The following STAG1 variants were observed in gnomAD, a reference collection of about 807,000 sequenced individuals.
The protein encoded by STAG1 is STAG1 cohesin complex component, also known as cohesin subunit SA-1.
In STAG1, 26 loss-of-function variants were observed where a neutral mutation model predicts 170.9. The ratio of observed to expected loss-of-function variants is 0.15; its 90% confidence interval spans 0.11 to 0.21. The LOEUF (loss-of-function observed/expected upper bound fraction) is 0.21. Among genes scored for constraint, STAG1 ranks in the 10% least tolerant of loss-of-function variants. The pLI is 1.00. For synonymous variants in STAG1, 514 were observed against 497.7 expected (o/e 1.03, Z -0.44); for missense variants, 964 against 1,509.5 (o/e 0.64, Z 5.99).
At chr3:136,575,829 C>G (rs1228353513) in intron 4 of STAG1, among the ~76,000 whole-genome samples, 2 of 152,164 alleles carry the variant, frequency 1.3e-5, no homozygotes, top group Non-Finnish European at 2.9e-5. Context: ...ATTAATACTT[C>G]ACAGGCAAGA....
chr3:136,420,850 C>T (rs980395945), intron 20 of STAG1, among the ~76,000 whole-genome samples: 3 of 152,240 alleles, frequency 2.0e-5, no homozygotes, highest in African/African-American at 7.2e-5. Context: ...TCTCGGCTCA[C>T]GACAACCCCC....
intron 1 of STAG1, among the ~76,000 whole-genome samples, chr3:136,638,569 G>A (rs1048018983): frequency 2.0e-5 from 3 of 152,158 alleles, no homozygotes; most frequent in Non-Finnish European, 2.9e-5. Context: ...AGCTCTTAGA[G>A]TTAGCAAACT....
intron 28 of STAG1, among the ~76,000 whole-genome samples, chr3:136,357,048 C>A (rs1025794795): frequency 6.6e-6 from 1 of 151,866 alleles, no homozygotes; most frequent in Admixed American, 6.6e-5. Context: ...CCCAGGTTCA[C>A]GCCATCCTCC....
intron 6 of STAG1, among the ~76,000 whole-genome samples, chr3:136,529,633 C>T (rs1479278604): frequency 2.0e-5 from 3 of 152,084 alleles, no homozygotes; most frequent in Admixed American, 6.6e-5. Flanking sequence ...ATCTGTTCTA[C>T]ACAAAAAAAT....
chr3:136,436,880 TA>T (rs1455754801), intron 15 of STAG1, among the ~76,000 whole-genome samples: 1 of 152,198 alleles, frequency 6.6e-6, no homozygotes, highest in Non-Finnish European at 1.5e-5. Context: ...AATTGTCTTT[TA>T]AAAAAACACA....
chr3:136,421,106 T>C lies in STAG1; in HGVS notation c.2095A>G (p.Thr699Ala). The change falls in exon 20 of 34, where the codon ACT becomes GCT. Residue 699 changes from threonine to alanine, a missense_variant. By Grantham distance (58) the Thr-to-Ala change is moderately conservative. Transcript: ENST00000383202. ...YNVLSTLKRL[T>A]SFHNAHDLTK... ...AAAATAACGTACTTGTGAAAAGAAG[T>C]TAACCGCTTTAATGTAGAAAGAACA... 6.2e-7 allele frequency: 1 copy of C among 1,602,456 alleles called. No individual in the cohort carries two copies. Among genetic ancestry groups the C allele is most frequent in the Non-Finnish European group, 8.5e-7 (1 of 1,174,264 alleles).
chr3:136,405,229 CTCTTTTTT>C (rs1485726770), intron 21 of STAG1, among the ~76,000 whole-genome samples: 13 of 118,538 alleles, frequency 1.1e-4, no homozygotes, highest in African/African-American at 4.0e-4. Flanking sequence ...ATGAAAAAAC[CTCTTTTTT>C]TTTTTTTTTT....
At chr3:136,670,986 T>TTAA (rs1941963642) in intron 1 of STAG1, among the ~76,000 whole-genome samples, 1 of 152,158 alleles carries the variant, frequency 6.6e-6, no homozygotes, top group African/African-American at 2.4e-5. Flanking sequence ...AGATTTTCTC[T>TTAA]TTAAAAGGAA....
At chr3:136,462,486 A>C (rs2089301429) in intron 13 of STAG1, among the ~76,000 whole-genome samples, 1 of 152,176 alleles carries the variant, frequency 6.6e-6, no homozygotes, top group South Asian at 2.1e-4. Flanking sequence ...AGCTAAAAAA[A>C]AGATTGATCT....
At chr3:136,460,067 C>T in intron 13 of STAG1, among the ~76,000 whole-genome samples, 1 of 151,886 alleles carries the variant, frequency 6.6e-6, no homozygotes, top group East Asian at 1.9e-4. Context: ...ATACAAAAGA[C>T]CAATGAAACC....
At chr3:136,735,772 C>T (rs1576830151) in intron 1 of STAG1, among the ~76,000 whole-genome samples, 1 of 152,206 alleles carries the variant, frequency 6.6e-6, no homozygotes, top group South Asian at 2.1e-4. Flanking sequence ...GCCACCACGC[C>T]CAGCTAATTT....
intron 7 of STAG1, among the ~76,000 whole-genome samples, chr3:136,514,253 A>C (rs1195171581): frequency 6.6e-6 from 1 of 152,218 alleles, no homozygotes; most frequent in African/African-American, 2.4e-5. Flanking sequence ...AATCACAAGG[A>C]TATGAACAGA....
At chr3:136,578,165 G>C (rs1937517005) in intron 4 of STAG1, among the ~76,000 whole-genome samples, 1 of 152,188 alleles carries the variant, frequency 6.6e-6, no homozygotes, top group Non-Finnish European at 1.5e-5. Context: ...AGCCAGATAT[G>C]ACTATGGGGA....
intron 1 of STAG1, among the ~76,000 whole-genome samples, chr3:136,662,050 C>T (rs1941600540): frequency 6.6e-6 from 1 of 152,126 alleles, no homozygotes; most frequent in Non-Finnish European, 1.5e-5. Context: ...TGACGTTTCT[C>T]TAATCACCTC....
chr3:136,559,911 G>T (rs1375750239), intron 5 of STAG1, among the ~76,000 whole-genome samples: 1 of 152,128 alleles, frequency 6.6e-6, no homozygotes, highest in Non-Finnish European at 1.5e-5. Flanking sequence ...TTTGAGACAT[G>T]AATACAATTT....
At chr3:136,559,413 G>A (rs986083440) in intron 5 of STAG1, among the ~76,000 whole-genome samples, 3 of 152,112 alleles carry the variant, frequency 2.0e-5, no homozygotes, top group Non-Finnish European at 2.9e-5. Flanking sequence ...AGACAATAAA[G>A]AGTATGTTAT....
At chr3:136,683,327 G>C (rs535067483) in intron 1 of STAG1, among the ~76,000 whole-genome samples, 21 of 151,856 alleles carry the variant, frequency 1.4e-4, no homozygotes, top group African/African-American at 5.1e-4. Flanking sequence ...ACAGTGGCAT[G>C]ATCTAGGTTC....
At chr3:136,649,993 T>TC (rs1014293640) in intron 1 of STAG1, among the ~76,000 whole-genome samples, 3 of 152,000 alleles carry the variant, frequency 2.0e-5, no homozygotes, top group Non-Finnish European at 4.4e-5. Flanking sequence ...GGTCTTGATC[T>TC]CCTGACCTCG....
In STAG1 at chr3:136,525,453, A is replaced by C. The variant is rs185714698; in HGVS notation, c.472-4036T>G. 3.0e-4 allele frequency among the ~76,000 whole-genome samples: 46 copies of C among 152,098 alleles called. No individual in the cohort carries two copies. The East Asian group carries it at 4.4e-3, about 15-fold the overall frequency. The stretch of plus-strand genomic sequence containing the variant: ...GATCGGTGGTGATATCCCCTTTATC[A>C]TTTTTTATTGCGTCTATTTGAGTCT... On this transcript the variant is annotated intron_variant, in intron 6 of 33. Coordinates refer to ENST00000383202, the MANE Select transcript of STAG1 (RefSeq NM_005862.3).
Sources: gnomAD v4.1 joint callset for allele counts (sites outside exome capture counted in the v4.1 genomes callset) on GRCh38, gnomAD v4.1.1 for gene constraint, MANE v1.5 for transcripts, NCBI Gene and HGNC (gene_info 2026-07-23, HGNC 2026-07-21) for gene names.